The following KCNN4 variants were observed in gnomAD, a reference collection of about 807,000 sequenced individuals.
KCNN4 encodes potassium calcium-activated channel subfamily N member 4, also known as intermediate conductance calcium-activated potassium channel protein 4.
In KCNN4, 31 loss-of-function variants were observed where a neutral mutation model predicts 45.2. The observed-to-expected ratio is 0.69, with a 90% CI of 0.52 to 0.92. KCNN4 has a LOEUF of 0.92. KCNN4 is among the 40% of genes least tolerant of loss of function. The probability of loss-of-function intolerance (pLI) is 0.00; values close to 1 mark genes in which losing one functional copy is unlikely to be tolerated. For missense variants in KCNN4, 463 were observed against 574.0 expected, an observed-to-expected ratio of 0.81 and a Z score of 1.98; for synonymous variants, 231 against 254.6, an observed-to-expected ratio of 0.91 and a Z score of 0.88.
chr19:43,769,039 G>A lies in KCNN4; in HGVS notation c.1050-7C>T, dbSNP rs1599671933. On this transcript the variant is annotated splice_region_variant and splice_polypyrimidine_tract_variant and intron_variant, in intron 6 of 8. Coordinates refer to ENST00000648319, the MANE Select transcript of KCNN4 (RefSeq NM_002250.3). This position sits in a 1 kb window ranked among gnomAD's most constrained non-coding sequence, Gnocchi z 4.4. ...CAGCCGCACCTGGCGGAACCTGTGGGAAGAAGTGGGGAGTCAGTTTTACAA... is the reference window on the plus strand; with the variant it reads ...CAGCCGCACCTGGCGGAACCTGTGGAAAGAAGTGGGGAGTCAGTTTTACAA... 3 of 1,614,116 alleles carry A rather than the reference G, an allele frequency of 1.9e-6. No individual in the cohort carries two copies. The South Asian group carries it at 3.3e-5, about 18-fold the overall frequency.
chr19:43,774,363 C>T lies in KCNN4; in HGVS notation c.512G>A (p.Ser171Asn). 1 of 1,608,120 alleles carries T rather than the reference C, an allele frequency of 6.2e-7. No homozygotes were observed. The highest frequency in any genetic ancestry group is 8.5e-7 in the Non-Finnish European group (1 of 1,177,404). The change falls in exon 3 of 9, where the codon AGC becomes AAC. Residue 171 changes from serine (S) to asparagine (N), a missense_variant. Ser to Asn is a conservative substitution (Grantham distance 46). Transcript: ENST00000648319. The surrounding 1 kb of genome is among the most constrained non-coding windows in gnomAD (Gnocchi z 5.6). ...YLVPRAVLLRSGVLLNASYRS... is the reference protein window; with the variant it reads ...YLVPRAVLLRNGVLLNASYRS... ...GTAGGAAGCGTTGAGCAGGACGCCG[C>T]TGCGCAGGAGCACGGCGCGGGGCAC... is the stretch of plus-strand genomic sequence containing the variant.
At position 43,774,476 on chromosome 19, in the gene KCNN4, C is replaced by A. The variant is rs972455557; in HGVS notation, c.399G>T (p.Ala133=). 2.2e-5 allele frequency: 35 copies of A among 1,595,764 alleles called. 1 individual carries two copies. Among genetic ancestry groups the A allele is most frequent in the Non-Finnish European group, 2.8e-5 (33 of 1,171,542 alleles). The part of the protein sequence containing the change: ...RGPPCVQDLG[A]PLTSPQPWPG... ...GCCAGGGCTGCGGGGAGGTCAGCGG[C>A]GCCCCTAAATCCTGCACGCACGGCG... Residue 133 remains alanine (A), a synonymous_variant, in exon 3 of 9, where the codon GCG becomes GCT. Coordinates refer to ENST00000648319, the MANE Select transcript of KCNN4 (RefSeq NM_002250.3). This position sits in a 1 kb window ranked among gnomAD's most constrained non-coding sequence, Gnocchi z 5.6.
At position 43,774,643 on chromosome 19, in the gene KCNN4, G is replaced by A; in HGVS notation, c.256-24C>T. ...AGCTGCCGGTAGGGGGCCAAGAAGG[G>A]AGGGGTCAGGAGCAGGTCAGGCGCA... is the stretch of plus-strand genomic sequence containing the variant. On this transcript the variant is annotated intron_variant, in intron 2 of 8. Transcript: ENST00000648319. The surrounding 1 kb of genome is among the most constrained non-coding windows in gnomAD (Gnocchi z 5.6). 1 of 1,481,384 alleles carries A rather than the reference G, an allele frequency of 6.8e-7. No homozygotes were observed. The highest frequency in any genetic ancestry group is 2.0e-4 in the Middle Eastern group (1 of 4,922). The allele number at this position is 1,481,384 out of a possible 1,614,324, so 91.8% of individuals were successfully genotyped here.
At chr19:43,771,756 G>C (rs1404453583) in intron 4 of KCNN4, among the ~76,000 whole-genome samples, 1 of 152,118 alleles carries the variant, frequency 6.6e-6, no homozygotes, top group Non-Finnish European at 1.5e-5. Context: ...TATGATCATA[G>C]CTCACTGTAC....
rs927696905 is a variant in KCNN4 at position 43,774,824 on chromosome 19, C to T, written c.256-205G>A. ...CCACTTTTTCCTCCTTCCCCACCAC[C>T]CACCCCACTAGTTTCAGCCCACTTC... is the stretch of plus-strand genomic sequence containing the variant. On this transcript the variant is annotated intron_variant, in intron 2 of 8. Transcript: ENST00000648319. This position sits in a 1 kb window ranked among gnomAD's most constrained non-coding sequence, Gnocchi z 5.6. 1.2e-4 allele frequency among the ~76,000 whole-genome samples: 18 copies of T among 152,272 alleles called. No homozygotes were observed. The highest frequency in any genetic ancestry group is 1.0e-3 in the Admixed American group (16 of 15,304).
intron 1 of KCNN4, among the ~76,000 whole-genome samples, chr19:43,778,152 T>C (rs1291009685): frequency 1.3e-5 from 2 of 152,246 alleles, no homozygotes; most frequent in Non-Finnish European, 2.9e-5. Flanking sequence ...CTGTCTGCAC[T>C]TGGGCCTGTA....
chr19:43,780,180 C>T (rs938671803), intron 1 of KCNN4, among the ~76,000 whole-genome samples: 6 of 152,056 alleles, frequency 3.9e-5, no homozygotes, highest in African/African-American at 9.7e-5. Context: ...CCTCTGGCCT[C>T]CAGGGGTCCT....
Position 43,767,684 on chromosome 19 carries a change from C to G in KCNN4, c.1143G>C (p.Leu381=), listed in dbSNP as rs1343400727. The change falls in exon 8 of 9, where the codon CTG becomes CTC. Residue 381 remains leucine (L), a synonymous_variant. Transcript: ENST00000648319. ...GGTGTGAGCTGCTCAGATTCTGCTG[C>G]AGGTCATACAGGATCATGTGCATCT... is the stretch of plus-strand genomic sequence containing the variant. ...ISKMHMILYD[L]QQNLSSSHRA... The G allele has an allele frequency of 6.2e-7, 1 of 1,614,144 alleles. No homozygotes were observed. Among genetic ancestry groups the G allele is most frequent in the Non-Finnish European group, 8.5e-7 (1 of 1,180,006 alleles).
At chr19:43,777,136 C>T (rs964338387) in intron 1 of KCNN4, among the ~76,000 whole-genome samples, 1 of 152,104 alleles carries the variant, frequency 6.6e-6, no homozygotes, top group Non-Finnish European at 1.5e-5. Flanking sequence ...CATCTGGTCC[C>T]CAGGAATGCT....
rs1254533339 is a variant in KCNN4, at chr19:43,774,417, G to A, written c.458C>T (p.Ser153Phe). The A allele has an allele frequency of 3.8e-6, 6 of 1,597,214 alleles. No individual in the cohort carries two copies. Among genetic ancestry groups the A allele is most frequent in the African/African-American group, 1.3e-5 (1 of 74,524 alleles). Reference sequence around the variant, plus strand: ...GTAGAGACGCAGCAGCATGGCCAGGGACAGCAGCGCTTCCCCTTGGCCCAG... The same window carrying A: ...GTAGAGACGCAGCAGCATGGCCAGGAACAGCAGCGCTTCCCCTTGGCCCAG... Reference protein sequence around the residue: ...GFLGQGEALLSLAMLLRLYLV... With the variant: ...GFLGQGEALLFLAMLLRLYLV... The change falls in exon 3 of 9, where the codon TCC becomes TTC. Residue 153 changes from serine to phenylalanine, a missense_variant. Physicochemically the swap from Ser to Phe is radical, Grantham distance 155. Coordinates refer to ENST00000648319, the MANE Select transcript of KCNN4 (RefSeq NM_002250.3). The surrounding 1 kb of genome is among the most constrained non-coding windows in gnomAD (Gnocchi z 5.6).
intron 3 of KCNN4, among the ~76,000 whole-genome samples, chr19:43,773,306 T>A (rs545724129): frequency 1.3e-5 from 2 of 152,282 alleles, no homozygotes; most frequent in South Asian, 4.1e-4. Context: ...AAACAAGAAC[T>A]GCCAGGGAGA....
intron 1 of KCNN4, among the ~76,000 whole-genome samples, chr19:43,780,379 C>A: frequency 7.2e-6 from 1 of 138,328 alleles, no homozygotes; most frequent in Admixed American, 7.1e-5. Flanking sequence ...TCCAGGAGTC[C>A]TGACCCCCAG....
In KCNN4 at chr19:43,772,064, C is replaced by T. The variant is rs1969659218; in HGVS notation, c.755G>A (p.Gly252Asp). 1 of 1,613,398 alleles carries T rather than the reference C, an allele frequency of 6.2e-7. No individual in the cohort carries two copies. Reference protein sequence around the residue: ...WLIPITFLTIGYGDVVPGTMW... With the variant: ...WLIPITFLTIDYGDVVPGTMW... ...GGTGCCCGGCACCACGTCACCATAG[C>T]CGATGGTCAGGAATGTGATGGGGAT... The change falls in exon 4 of 9, where the codon GGC (glycine) becomes GAC (aspartate). Residue 252 changes from glycine to aspartate, a missense_variant. Gly to Asp is a moderately conservative substitution (Grantham distance 94, BLOSUM62 -1). This residue lies in a region of KCNN4 where 109 missense variants were observed against 183.7 expected (regional missense o/e 0.59). Transcript: ENST00000648319. The surrounding 1 kb of genome is among the most constrained non-coding windows in gnomAD (Gnocchi z 4.4).
Position 43,767,629 on chromosome 19 carries a change from C to A in KCNN4, c.1198G>T (p.Ala400Ser). The change falls in exon 8 of 9, where the codon GCG becomes TCG. Residue 400 changes from alanine (A) to serine (S), a missense_variant. Transcript: ENST00000648319. ...RALEKQIDTL[A>S]GKLDALTELL... is the part of the protein sequence containing the mutation. The stretch of plus-strand genomic sequence containing the variant: ...TCAGTCAGGGCATCCAGCTTCCCCG[C>A]CAGCGTGTCAATCTGTTTCTCCAGG... 2 of 1,614,180 alleles carry A rather than the reference C, an allele frequency of 1.2e-6. No homozygotes were observed. The highest frequency in any genetic ancestry group is 4.5e-5 in the East Asian group (2 of 44,880).
At position 43,780,331 on chromosome 19, in the gene KCNN4, A is replaced by G. The variant is rs375260527; in HGVS notation, c.159+372T>C. On this transcript the variant is annotated intron_variant, in intron 1 of 8. Coordinates refer to ENST00000648319, the MANE Select transcript of KCNN4 (RefSeq NM_002250.3). ...CCAGCCAAAGCCCCTCCTCCCTCAGACCCAAGAGTCTAGGCCCCCAACCTC... is the reference window on the plus strand; with the variant it reads ...CCAGCCAAAGCCCCTCCTCCCTCAGGCCCAAGAGTCTAGGCCCCCAACCTC... 3.3e-5 allele frequency among the ~76,000 whole-genome samples: 5 copies of G among 150,820 alleles called. No individual in the cohort carries two copies. The East Asian group carries it at 7.9e-4, about 24-fold the overall frequency.
At chr19:43,771,477 C>T (rs137909006) in intron 4 of KCNN4, among the ~76,000 whole-genome samples, 8 of 152,240 alleles carry the variant, frequency 5.3e-5, no homozygotes, top group African/African-American at 1.7e-4. Flanking sequence ...GTGGCAGCCG[C>T]AGGATTCGGA....
chr19:43,766,899 G>A lies in KCNN4; in HGVS notation c.*194C>T, dbSNP rs1833352736. On this transcript the variant is annotated 3_prime_UTR_variant, in exon 9 of 9. Coordinates refer to ENST00000648319, the MANE Select transcript of KCNN4 (RefSeq NM_002250.3). The stretch of plus-strand genomic sequence containing the variant: ...GACCATGTTCCCACCTGGGGCCTCA[G>A]GTGGGCCAAGGCCTACCCACTTTAG... The A allele has an allele frequency of 6.5e-6, 1 of 153,618 alleles. No homozygotes were observed. Among genetic ancestry groups the A allele is most frequent in the African/African-American group, 2.4e-5 (1 of 41,460 alleles). 9.5% of individuals were successfully genotyped at this position (153,618 alleles called of 1,614,324 possible).
intron 1 of KCNN4, among the ~76,000 whole-genome samples, chr19:43,779,668 G>A (rs1474616391): frequency 2.0e-5 from 3 of 151,922 alleles, no homozygotes; most frequent in South Asian, 4.2e-4. Context: ...GGAATGTGAC[G>A]GGAGCCTGCT....
At chr19:43,775,146 T>C (rs1411962900) in intron 2 of KCNN4, among the ~76,000 whole-genome samples, 6 of 152,126 alleles carry the variant, frequency 3.9e-5, no homozygotes, top group African/African-American at 1.4e-4. Flanking sequence ...GCCAACATGG[T>C]GAAACTCCAT....
Sources: gnomAD v4.1 joint callset for allele counts (sites outside exome capture counted in the v4.1 genomes callset) on GRCh38, gnomAD v4.1.1 for gene constraint, gnomAD v4.1.1 regional missense constraint, Gnocchi (gnomAD v3.1) non-coding constraint, MANE v1.5 for transcripts, NCBI Gene and HGNC (gene_info 2026-07-23, HGNC 2026-07-21) for gene names.